RUNX1: variants seen among roughly 807,000 people sequenced by gnomAD.
RUNX1 encodes runt-related transcription factor 1.
RUNX1 carries 19 observed loss-of-function variants against 42.8 expected under a neutral mutation model. The ratio of observed to expected loss-of-function variants is 0.44; its 90% CI spans 0.31 to 0.65. The LOEUF (loss-of-function observed/expected upper bound fraction) is 0.65, where lower values mean the gene tolerates loss of function less well. Ranked by LOEUF, RUNX1 falls within the 30% of genes least tolerant of loss-of-function variation. The pLI, the probability that RUNX1 is intolerant of heterozygous loss-of-function variation, is 0.07. For missense variants in RUNX1, 528 were observed against 672.0 expected, an observed-to-expected ratio of 0.79 and a Z score of 2.37; for synonymous variants, 271 against 289.4, an observed-to-expected ratio of 0.94 and a Z score of 0.64.
intron 2 of RUNX1, among the ~76,000 whole-genome samples, chr21:35,031,863 T>C (rs1333102380): frequency 6.6e-6 from 1 of 152,252 alleles, no homozygotes; most frequent in East Asian, 1.9e-4. Flanking sequence ...ACCATTGTTA[T>C]CTGTCTATGG....
intron 2 of RUNX1, among the ~76,000 whole-genome samples, chr21:35,011,647 C>G (rs1366681979): frequency 6.6e-6 from 1 of 152,240 alleles, no homozygotes; most frequent in African/African-American, 2.4e-5. Context: ...GCTCTGCTGA[C>G]TGTCAAGTGG....
rs187824646 is a variant in RUNX1, at chr21:35,015,170, G to A, written c.58+33672C>T. On this transcript the variant is annotated intron_variant, in intron 2 of 8. Coordinates refer to ENST00000675419, the MANE Select transcript of RUNX1 (RefSeq NM_001754.5). ...TTCCTGGCTGTGAGATCCTGGGCAC[G>A]TTCCTAAATCCCTTTGCATTTCAAC... Among the ~76,000 whole-genome samples the A allele has an allele frequency of 6.6e-5, 10 of 152,278 alleles. No homozygotes were observed. In the South Asian group the frequency reaches 1.7e-3, roughly 25 times the overall value.
intron 2 of RUNX1, among the ~76,000 whole-genome samples, chr21:35,027,649 G>A (rs2059246826): frequency 6.6e-6 from 1 of 152,204 alleles, no homozygotes; most frequent in South Asian, 2.1e-4. Context: ...AGTGGCCTTG[G>A]GGATTCGGGA....
intron 7 of RUNX1, among the ~76,000 whole-genome samples, chr21:34,806,506 C>T (rs745870563): frequency 2.6e-5 from 4 of 152,136 alleles, no homozygotes; most frequent in African/African-American, 7.2e-5. Flanking sequence ...TAGAACTACA[C>T]GGAGAAATAG....
chr21:34,818,382 GAGA>G (rs1229339245), intron 7 of RUNX1, among the ~76,000 whole-genome samples: 1 of 152,238 alleles, frequency 6.6e-6, no homozygotes, highest in Admixed American at 6.5e-5. Context: ...AGGGAGGAGG[GAGA>G]AGGAGAGGGA....
chr21:35,038,910 A>G, intron 2 of RUNX1: 2 of 352,302 alleles, frequency 5.7e-6, no homozygotes, highest in Admixed American at 3.7e-5. Flanking sequence ...ACCCTCATCA[A>G]AACCAACCTG....
chr21:34,820,186 G>C (rs1181513755), intron 7 of RUNX1, among the ~76,000 whole-genome samples: 3 of 152,184 alleles, frequency 2.0e-5, no homozygotes, highest in Non-Finnish European at 4.4e-5. Context: ...TGGGGTGCCG[G>C]CTGGGGCTGC....
intron 2 of RUNX1, among the ~76,000 whole-genome samples, chr21:34,998,191 A>G (rs761618632): frequency 3.9e-5 from 6 of 152,108 alleles, no homozygotes; most frequent in Non-Finnish European, 5.9e-5. Flanking sequence ...TCCTCTCAAG[A>G]AAATATTTAG....
At chr21:34,863,260 T>C (rs1459554660) in intron 5 of RUNX1, among the ~76,000 whole-genome samples, 3 of 152,112 alleles carry the variant, frequency 2.0e-5, no homozygotes, top group Non-Finnish European at 2.9e-5. Flanking sequence ...GCAAACCCAA[T>C]AGCACCAGTA....
chr21:35,047,549 ACACACACACACACTCTCT>A lies in RUNX1; in HGVS notation c.58+1275_58+1292del, dbSNP rs58204478. Among the ~76,000 whole-genome samples the A allele has an allele frequency of 8.2e-3, 880 of 107,522 alleles. 6 individuals carry two copies. The highest frequency in any genetic ancestry group is 0.032 in the African/African-American group (819 of 25,850). 70.5% of individuals were successfully genotyped at this position (107,522 alleles called of 152,430 possible). A position where few individuals can be genotyped will look rare whatever the true frequency, so the allele number is the denominator to read the frequency against. On this transcript the variant is annotated intron_variant, in intron 2 of 8. Transcript: ENST00000675419. ...CACACACACACACACACACACACAC[ACACACACACACACTCTCT>A]CTCTCTCTCTCTCTCTCTCTCTCTC...
intron 2 of RUNX1, among the ~76,000 whole-genome samples, chr21:34,915,581 G>T (rs1354903226): frequency 6.6e-6 from 1 of 152,216 alleles, no homozygotes; most frequent in Non-Finnish European, 1.5e-5. Context: ...AGCATGTGAA[G>T]AAGCATTCTA....
At chr21:34,878,329 T>C (rs1377620496) in intron 5 of RUNX1, among the ~76,000 whole-genome samples, 2 of 146,862 alleles carry the variant, frequency 1.4e-5, no homozygotes, top group Non-Finnish European at 3.0e-5. Context: ...GCTCATTTAC[T>C]TTTGTAGCGC....
intron 2 of RUNX1, among the ~76,000 whole-genome samples, chr21:35,037,796 C>T (rs1007988165): frequency 1.3e-5 from 2 of 152,184 alleles, no homozygotes; most frequent in South Asian, 2.1e-4. Flanking sequence ...AAGTGCCTTG[C>T]GCATAGCATA....
rs2146411164 is a variant in RUNX1 at position 34,886,960 on chromosome 21, C to T, written c.234G>A (p.Met78Ile). 6.2e-7 allele frequency: 1 copy of T among 1,611,974 alleles called. No individual in the cohort carries two copies. The highest frequency in any genetic ancestry group is 8.5e-7 in the Non-Finnish European group (1 of 1,179,532). Residue 78 changes from methionine (M) to isoleucine (I), a missense_variant, in exon 4 of 9, where the codon ATG becomes ATA. Around this residue, in one of 3 missense-constraint regions of RUNX1, gnomAD observed 114 missense variants for 115.0 expected, o/e 0.99. Transcript: ENST00000675419. The part of the protein sequence containing the change: ...AGKLRSGDRS[M>I]VEVLADHPGE... ...CCGGGTGGTCGGCCAGCACCTCCAC[C>T]ATGCTGCGGTCGCCGCTCCTCAGCT...
chr21:34,841,221 AGC>A (rs1235972431), intron 6 of RUNX1, among the ~76,000 whole-genome samples: 1 of 152,054 alleles, frequency 6.6e-6, no homozygotes, highest in African/African-American at 2.4e-5. Flanking sequence ...CTGTTCCTCT[AGC>A]TCATGCCCCT....
chr21:34,974,886 T>C (rs1175205372), intron 2 of RUNX1, among the ~76,000 whole-genome samples: 1 of 152,264 alleles, frequency 6.6e-6, no homozygotes, highest in Non-Finnish European at 1.5e-5. Context: ...TATAATGGCA[T>C]GAATTTATTT....
At chr21:35,005,411 C>A (rs932904555) in intron 2 of RUNX1, among the ~76,000 whole-genome samples, 3 of 152,156 alleles carry the variant, frequency 2.0e-5, no homozygotes, top group African/African-American at 7.2e-5. Context: ...GGAGTCAGAT[C>A]AGACCAATGG....
intron 7 of RUNX1, among the ~76,000 whole-genome samples, chr21:34,820,058 T>G (rs2056885349): frequency 6.6e-6 from 1 of 152,238 alleles, no homozygotes; most frequent in Non-Finnish European, 1.5e-5. Flanking sequence ...TGCATCCAAT[T>G]CATGCAAGTA....
intron 2 of RUNX1, among the ~76,000 whole-genome samples, chr21:35,030,082 G>A (rs1324633908): frequency 3.9e-5 from 6 of 152,184 alleles, no homozygotes; most frequent in African/African-American, 7.2e-5. Context: ...GGTGGCTCAC[G>A]CCTGTAATCC....
Sources: gnomAD v4.1 joint callset for allele counts (sites outside exome capture counted in the v4.1 genomes callset) on GRCh38, gnomAD v4.1.1 for gene constraint, gnomAD v4.1.1 regional missense constraint, MANE v1.5 for transcripts, NCBI Gene and HGNC (gene_info 2026-07-23, HGNC 2026-07-21) for gene names.